The following USP6NL variants were observed in gnomAD, a reference collection of about 807,000 sequenced individuals.
The protein encoded by USP6NL is USP6 N-terminal-like protein.
Under a neutral mutation model 61.9 loss-of-function variants are expected in USP6NL, and 26 were observed. The ratio of observed to expected loss-of-function variants is 0.42; its 90% CI spans 0.31 to 0.58. The LOEUF is 0.58. Ranked by LOEUF, USP6NL falls within the 20% of genes least tolerant of loss-of-function variation. The pLI is 0.16. For missense variants in USP6NL, 1,114 were observed against 1,034.3 expected, an observed-to-expected ratio of 1.08 and a Z score of -1.06; for synonymous variants, 432 against 390.1, an observed-to-expected ratio of 1.11 and a Z score of -1.27.
At position 11,511,141 on chromosome 10, in the gene USP6NL, T is replaced by C. The variant is rs1217794430; in HGVS notation, c.196-1466A>G. Among the ~76,000 whole-genome samples the C allele has an allele frequency of 6.6e-6, 1 of 152,246 alleles. No homozygotes were observed. The highest frequency in any genetic ancestry group is 2.4e-5 in the African/African-American group (1 of 41,470). On this transcript the variant is annotated intron_variant, in intron 5 of 14. Transcript: ENST00000609104. The surrounding 1 kb of genome is among the most constrained non-coding windows in gnomAD (Gnocchi z 4.9). ...GAATATTTTTATAGAATTTCAATTT[T>C]AGGCATATTCTTAAAACTCTCAATT...
At position 11,462,862 on chromosome 10, in the gene USP6NL, C is replaced by G; in HGVS notation, c.2066G>C (p.Ser689Thr). The part of the protein sequence containing the change: ...ASPEKSYSRP[S>T]PLVLPSSRIE... ...TCGACTAGACGGCAGTACAAGGGGG[C>G]TTGGGCGGCTGTAAGATTTCTCCGG... Residue 689 changes from serine to threonine, a missense_variant, in exon 15 of 15, where the codon AGC becomes ACC. Transcript: ENST00000609104. The G allele has an allele frequency of 7.4e-6, 12 of 1,613,888 alleles. No individual in the cohort carries two copies. Among genetic ancestry groups the G allele is most frequent in the Non-Finnish European group, 9.3e-6 (11 of 1,179,874 alleles).
At chr10:11,523,429 T>C (rs1451079808) in intron 4 of USP6NL, among the ~76,000 whole-genome samples, 1 of 152,256 alleles carries the variant, frequency 6.6e-6, no homozygotes, top group Non-Finnish European at 1.5e-5. Context: ...AATTTCAGTT[T>C]TGTATACCTT....
At chr10:11,607,287 CCA>C (rs1357378500) in intron 1 of USP6NL, among the ~76,000 whole-genome samples, 2 of 152,150 alleles carry the variant, frequency 1.3e-5, no homozygotes, top group African/African-American at 4.8e-5. Flanking sequence ...CCTTATCTTA[CCA>C]CAGATATGCC....
rs1290431601 is a variant in USP6NL, at chr10:11,468,917, T to C, written c.1079-5068A>G. ...AGGCACAAAACAAAATGCAAAGGTA[T>C]GTGTCATACATACGTAGGAGATTTA... On this transcript the variant is annotated intron_variant, in intron 14 of 14. Coordinates refer to ENST00000609104, the MANE Select transcript of USP6NL (RefSeq NM_014688.5). The surrounding 1 kb of genome is among the most constrained non-coding windows in gnomAD (Gnocchi z 4.5). Among the ~76,000 whole-genome samples the C allele has an allele frequency of 6.6e-6, 1 of 152,218 alleles. No individual in the cohort carries two copies. The highest frequency in any genetic ancestry group is 1.5e-5 in the Non-Finnish European group (1 of 68,040).
chr10:11,555,113 T>TG (rs1836640674), intron 2 of USP6NL, among the ~76,000 whole-genome samples: 1 of 148,458 alleles, frequency 6.7e-6, no homozygotes, highest in African/African-American at 2.5e-5. Flanking sequence ...TTTTTGGTTT[T>TG]TTTTTTTAAG....
In USP6NL at chr10:11,510,474, A is replaced by G. The variant is rs59244481; in HGVS notation, c.196-799T>C. The stretch of plus-strand genomic sequence containing the variant: ...TCCAAAGGGTTTACAAAAAAGCATC[A>G]GGACACCAGGCTGCCAAAGTTGGGA... On this transcript the variant is annotated intron_variant, in intron 5 of 14. Transcript: ENST00000609104. This position sits in a 1 kb window ranked among gnomAD's most constrained non-coding sequence, Gnocchi z 4.8. Among the ~76,000 whole-genome samples, 16,457 of 152,204 alleles carry G rather than the reference A, an allele frequency of 0.11. 1,384 individuals carry two copies. The highest frequency in any genetic ancestry group is 0.43 in the East Asian group (2,217 of 5,174).
chr10:11,526,267 C>G (rs566376940), intron 3 of USP6NL, among the ~76,000 whole-genome samples: 40 of 152,288 alleles, frequency 2.6e-4, no homozygotes, highest in African/African-American at 9.6e-4. Context: ...ATCAATCCCT[C>G]AAATTTTAGA....
At chr10:11,529,478 A>G (rs1835560584) in intron 2 of USP6NL, among the ~76,000 whole-genome samples, 1 of 152,254 alleles carries the variant, frequency 6.6e-6, no homozygotes, top group African/African-American at 2.4e-5. Context: ...AATAGTAAAA[A>G]CAACAGAGTG....
At chr10:11,610,887 C>T (rs1463052081) in intron 1 of USP6NL, among the ~76,000 whole-genome samples, 1 of 152,122 alleles carries the variant, frequency 6.6e-6, no homozygotes, top group Non-Finnish European at 1.5e-5. Context: ...CGTTTTCACG[C>T]ATTACAAATG....
intron 3 of USP6NL, among the ~76,000 whole-genome samples, chr10:11,526,025 C>T (rs190372584): frequency 7.1e-4 from 108 of 152,294 alleles, no homozygotes; most frequent in African/African-American, 2.2e-3. Context: ...ATCTCTGAAG[C>T]GTACTTGTCA....
In USP6NL at chr10:11,501,320, CAATT is replaced by C. The variant is rs1327346470; in HGVS notation, c.277-116_277-113del. ...CATTGTATTTTCAAAGCATCTATGG[CAATT>C]AATTAATACATTTCAACATGGCACA... On this transcript the variant is annotated intron_variant, in intron 6 of 14. Transcript: ENST00000609104. The C allele has an allele frequency of 2.0e-5, 16 of 808,306 alleles. No homozygotes were observed. In the East Asian group the frequency reaches 3.2e-4, roughly 16 times the overall value. The allele number at this position is 808,306 out of a possible 1,614,324, so 50.1% of individuals were successfully genotyped here. A position where few individuals can be genotyped will look rare whatever the true frequency, so the allele number is the denominator to read the frequency against.
rs997084319 is a variant in USP6NL, at chr10:11,553,601, A to T, written c.5-26034T>A. 3.3e-5 allele frequency among the ~76,000 whole-genome samples: 5 copies of T among 152,208 alleles called. No homozygotes were observed. The highest frequency in any genetic ancestry group is 1.2e-4 in the African/African-American group (5 of 41,448). On this transcript the variant is annotated intron_variant, in intron 2 of 14. Coordinates refer to ENST00000609104, the MANE Select transcript of USP6NL (RefSeq NM_014688.5). The surrounding 1 kb of genome is among the most constrained non-coding windows in gnomAD (Gnocchi z 4.8). ...TAGATTTGTCTCAGTATAACAAAAA[A>T]TAGCAAGATTAGGCTGGGTGTGGTG... is the stretch of plus-strand genomic sequence containing the variant.
rs543745338 is a variant in USP6NL at position 11,465,593 on chromosome 10, T to TCTGCTGCTGCTGCTG, written c.1079-1759_1079-1745dup. 2.0e-5 allele frequency among the ~76,000 whole-genome samples: 3 copies of TCTGCTGCTGCTGCTG among 152,084 alleles called. No individual in the cohort carries two copies. The East Asian group carries it at 5.8e-4, about 29-fold the overall frequency. ...AAAAAAGGAATAGATTTCCAGCTGG[T>TCTGCTGCTGCTGCTG]CTGCTGCTGCTGCTGCTGCTACTGC... is the stretch of plus-strand genomic sequence containing the variant. On this transcript the variant is annotated intron_variant, in intron 14 of 14. Transcript: ENST00000609104. The surrounding 1 kb of genome is among the most constrained non-coding windows in gnomAD (Gnocchi z 4.5).
intron 2 of USP6NL, 116 bp from the exon 3 acceptor site, chr10:11,527,683 C>A: frequency 2.2e-6 from 2 of 889,312 alleles, no homozygotes; most frequent in South Asian, 1.7e-5. Flanking sequence ...AATGACAAAT[C>A]AACAAAATCA....
intron 2 of USP6NL, among the ~76,000 whole-genome samples, chr10:11,546,872 T>C (rs971842194): frequency 5.9e-5 from 9 of 152,342 alleles, no homozygotes; most frequent in African/African-American, 2.2e-4. Flanking sequence ...GGTTTCTTTA[T>C]TGATATACGC....
chr10:11,464,442 A>C (rs1476894881), intron 14 of USP6NL, among the ~76,000 whole-genome samples: 1 of 152,094 alleles, frequency 6.6e-6, no homozygotes, highest in African/African-American at 2.4e-5. Context: ...GGGCTCTACT[A>C]TTTTCCCACA....
intron 6 of USP6NL, among the ~76,000 whole-genome samples, chr10:11,502,302 A>C (rs1834237437): frequency 6.6e-6 from 1 of 151,556 alleles, no homozygotes; most frequent in Non-Finnish European, 1.5e-5. Flanking sequence ...AACTCCCTCC[A>C]TCCTTGAAAG....
rs1257592683 is a variant in USP6NL, at chr10:11,463,130, A to G, written c.1798T>C (p.Ser600Pro). 2 of 1,613,906 alleles carry G rather than the reference A, an allele frequency of 1.2e-6. No homozygotes were observed. The highest frequency in any genetic ancestry group is 1.6e-4 in the Middle Eastern group (1 of 6,062). Residue 600 changes from serine to proline, a missense_variant, in exon 15 of 15, where the codon TCC becomes CCC. Physicochemically the swap from Ser to Pro is moderately conservative, Grantham distance 74. Transcript: ENST00000609104. This position sits in a 1 kb window ranked among gnomAD's most constrained non-coding sequence, Gnocchi z 6.3. Reference protein sequence around the residue: ...AEPSSSPSKVSNKFTFKVQPP... With the variant: ...AEPSSSPSKVPNKFTFKVQPP... The stretch of plus-strand genomic sequence containing the variant: ...TGTACTTTAAAAGTAAACTTGTTGG[A>G]TACTTTTGATGGACTAGAACTTGGC...
intron 6 of USP6NL, among the ~76,000 whole-genome samples, chr10:11,503,330 T>C (rs11257132): frequency 0.22 from 32,836 of 152,102 alleles, 3,748 homozygotes; most frequent in South Asian, 0.25. Flanking sequence ...AGTCTTCAGA[T>C]ATTATTTTGT....
Sources: gnomAD v4.1 joint callset for allele counts (sites outside exome capture counted in the v4.1 genomes callset) on GRCh38, gnomAD v4.1.1 for gene constraint, Gnocchi (gnomAD v3.1) non-coding constraint, MANE v1.5 for transcripts, NCBI Gene and HGNC (gene_info 2026-07-23, HGNC 2026-07-21) for gene names.